The following MARCHF1 variants were observed in gnomAD, a reference collection of about 807,000 sequenced individuals.
The protein encoded by MARCHF1 is membrane associated ring-CH-type finger 1, also known as E3 ubiquitin-protein ligase MARCHF1.
Under a neutral mutation model 54.2 loss-of-function variants are expected in MARCHF1, and 40 were observed. The observed-to-expected ratio is 0.74, with a 90% CI of 0.57 to 0.96. MARCHF1 has a LOEUF of 0.96. Among genes scored for constraint, MARCHF1 ranks in the 40% least tolerant of loss-of-function variants. MARCHF1 has a pLI of 0.00. For missense variants in MARCHF1, 586 were observed against 656.5 expected, an observed-to-expected ratio of 0.89 and a Z score of 1.17; for synonymous variants, 236 against 236.3, an observed-to-expected ratio of 1.00 and a Z score of 0.01.
chr4:164,095,644 T>C (rs1452641014), intron 2 of MARCHF1, among the ~76,000 whole-genome samples: 1 of 152,160 alleles, frequency 6.6e-6, no homozygotes, highest in African/African-American at 2.4e-5. Context: ...TATCTGTTAC[T>C]GTAAAAAAGT....
intron 2 of MARCHF1, among the ~76,000 whole-genome samples, chr4:164,036,200 T>C (rs754476797): frequency 2.6e-5 from 4 of 152,046 alleles, no homozygotes; most frequent in Non-Finnish European, 4.4e-5. Flanking sequence ...ATGCTATATG[T>C]TTTACTTTAA....
At chr4:163,634,231 A>G (rs1014989446) in intron 5 of MARCHF1, among the ~76,000 whole-genome samples, 3 of 151,760 alleles carry the variant, frequency 2.0e-5, no homozygotes, top group African/African-American at 4.8e-5. Context: ...GACAGGATCA[A>G]ATTCACACAT....
rs567844217 is a variant in MARCHF1, at chr4:164,070,775, A to T, written c.-248+40813T>A. ...CTATTTATATCAGGTTAAATGCCTC[A>T]ATTCATTCTCTTAAAATATTCAAAT... On this transcript the variant is annotated intron_variant, in intron 2 of 9. Transcript: ENST00000514618. Among the ~76,000 whole-genome samples the T allele has an allele frequency of 1.9e-4, 29 of 152,362 alleles. 1 individual carries two copies. The South Asian group carries it at 4.3e-3, about 23-fold the overall frequency.
At chr4:164,187,242 G>A (rs947199734) in intron 1 of MARCHF1, among the ~76,000 whole-genome samples, 5 of 135,352 alleles carry the variant, frequency 3.7e-5, no homozygotes, top group African/African-American at 1.1e-4. Flanking sequence ...ATTTGCTTAT[G>A]CACCAGGGTC....
At chr4:164,106,437 T>TA (rs1161803553) in intron 2 of MARCHF1, among the ~76,000 whole-genome samples, 1 of 106,684 alleles carries the variant, frequency 9.4e-6, no homozygotes, top group Non-Finnish European at 1.8e-5. Flanking sequence ...TATGCAGCCA[T>TA]AAAAAATGAT....
At chr4:164,271,991 G>A (rs977948001) in intron 1 of MARCHF1, among the ~76,000 whole-genome samples, 3 of 151,186 alleles carry the variant, frequency 2.0e-5, no homozygotes, top group Non-Finnish European at 3.0e-5. Flanking sequence ...ACAAAAGAAG[G>A]CAAAACAAAA....
chr4:164,097,228 G>C (rs1402366297), intron 2 of MARCHF1, among the ~76,000 whole-genome samples: 1 of 152,072 alleles, frequency 6.6e-6, no homozygotes. Context: ...ATTTCGCCAA[G>C]AAAGATTGTG....
chr4:164,280,994 T>C (rs965892970), intron 1 of MARCHF1, among the ~76,000 whole-genome samples: 1 of 152,172 alleles, frequency 6.6e-6, no homozygotes, highest in Non-Finnish European at 1.5e-5. Flanking sequence ...GAATGTCTTC[T>C]AATTTCCTCC....
chr4:163,602,005 G>GA (rs539975329), intron 7 of MARCHF1, among the ~76,000 whole-genome samples: 52 of 140,624 alleles, frequency 3.7e-4, no homozygotes, highest in Non-Finnish European at 4.2e-4. Flanking sequence ...AAAACAATCA[G>GA]AAAAAAAAAA....
chr4:164,032,670 T>C (rs1431715259), intron 2 of MARCHF1, among the ~76,000 whole-genome samples: 1 of 152,240 alleles, frequency 6.6e-6, no homozygotes, highest in Non-Finnish European at 1.5e-5. Context: ...TCCTGAGTTC[T>C]AATTTGATTG....
At chr4:164,366,407 T>C (rs1349911950) in intron 1 of MARCHF1, among the ~76,000 whole-genome samples, 1 of 151,998 alleles carries the variant, frequency 6.6e-6, no homozygotes, top group Non-Finnish European at 1.5e-5. Flanking sequence ...ATATAATCTT[T>C]TATAAAATTA....
chr4:163,876,903 G>A (rs938806254), intron 3 of MARCHF1, among the ~76,000 whole-genome samples: 3 of 152,206 alleles, frequency 2.0e-5, no homozygotes, highest in Admixed American at 6.5e-5. Flanking sequence ...AGAAGGCTAT[G>A]TAGAGAAAAT....
In MARCHF1 at chr4:163,652,593, C is replaced by T. The variant is rs140352166; in HGVS notation, c.163-39200G>A. Among the ~76,000 whole-genome samples the T allele has an allele frequency of 2.8e-3, 431 of 151,900 alleles. 4 individuals carry two copies. Among genetic ancestry groups the T allele is most frequent in the African/African-American group, 0.01 (416 of 41,498 alleles). On this transcript the variant is annotated intron_variant, in intron 5 of 9. Coordinates refer to ENST00000514618, the MANE Select transcript of MARCHF1 (RefSeq NM_001394959.1). The stretch of plus-strand genomic sequence containing the variant: ...ATCTAAAAGTCCCCGTTTCCAGTAA[C>T]ACTGTGACATATAACCTTGCTTATG...
At chr4:163,789,810 A>G (rs993229644) in intron 4 of MARCHF1, among the ~76,000 whole-genome samples, 5 of 152,062 alleles carry the variant, frequency 3.3e-5, no homozygotes, top group Admixed American at 3.3e-4. Context: ...TAGAAACCTG[A>G]TTAGATAACC....
chr4:163,944,246 T>C (rs1413163415), intron 3 of MARCHF1, among the ~76,000 whole-genome samples: 2 of 151,304 alleles, frequency 1.3e-5, no homozygotes, highest in Non-Finnish European at 2.9e-5. Context: ...CCTCCCAAAG[T>C]GCTGGGATTA....
At chr4:163,763,151 T>A (rs2110833278) in intron 4 of MARCHF1, among the ~76,000 whole-genome samples, 1 of 152,190 alleles carries the variant, frequency 6.6e-6, no homozygotes, top group Middle Eastern at 3.4e-3. Context: ...GAACCACATA[T>A]CTTTACAATT....
intron 5 of MARCHF1, among the ~76,000 whole-genome samples, chr4:163,627,817 T>C (rs147392784): frequency 1.3e-5 from 2 of 150,960 alleles, no homozygotes; most frequent in East Asian, 3.9e-4. Flanking sequence ...AGCTGCAAGA[T>C]AACTCAATGA....
intron 1 of MARCHF1, among the ~76,000 whole-genome samples, chr4:164,279,769 C>T (rs1172977251): frequency 3.3e-5 from 5 of 151,548 alleles, no homozygotes; most frequent in South Asian, 2.1e-4. Context: ...AAAGTAACTG[C>T]TATATTGTTT....
intron 3 of MARCHF1, among the ~76,000 whole-genome samples, chr4:163,934,463 G>A (rs1751750341): frequency 6.6e-6 from 1 of 151,232 alleles, no homozygotes; most frequent in Non-Finnish European, 1.5e-5. Flanking sequence ...GGAGGCTGAG[G>A]TGGGAGGACT....
Sources: gnomAD v4.1 joint callset for allele counts (sites outside exome capture counted in the v4.1 genomes callset) on GRCh38, gnomAD v4.1.1 for gene constraint, MANE v1.5 for transcripts, NCBI Gene and HGNC (gene_info 2026-07-23, HGNC 2026-07-21) for gene names.